The following LRRTM4 variants were observed in gnomAD, a reference collection of about 807,000 sequenced individuals.
The protein encoded by LRRTM4 is leucine rich repeat transmembrane neuronal 4, also known as leucine-rich repeat transmembrane neuronal protein 4.
A neutral mutation model predicts 47.6 loss-of-function variants in LRRTM4; 25 were observed. The observed-to-expected ratio is 0.53, with a 90% CI of 0.38 to 0.73. The LOEUF is 0.73. Among genes scored for constraint, LRRTM4 ranks in the 30% least tolerant of loss-of-function variants. The pLI is 0.00. For missense variants in LRRTM4, 638 were observed against 713.4 expected, an observed-to-expected ratio of 0.89 and a Z score of 1.20; for synonymous variants, 311 against 269.5, an observed-to-expected ratio of 1.15 and a Z score of -1.51.
At position 77,285,340 on chromosome 2, in the gene LRRTM4, TTATATATA is replaced by T. The variant is rs10527679; in HGVS notation, c.1551+232970_1551+232977del. Among the ~76,000 whole-genome samples the T allele has an allele frequency of 5.1e-3, 422 of 82,610 alleles. 15 individuals are homozygous for T. The highest frequency in any genetic ancestry group is 0.016 in the African/African-American group (391 of 23,870). 54.2% of individuals were successfully genotyped at this position (82,610 alleles called of 152,430 possible). ...AAATTAATTCTACTCAGCATTAAAT[TTATATATA>T]TATATATATATATATGGCCAATAGA... On this transcript the variant is annotated intron_variant, in intron 3 of 3. Coordinates refer to ENST00000409884, the MANE Select transcript of LRRTM4 (RefSeq NM_001134745.3).
At chr2:77,480,208 A>G (rs969996344) in intron 3 of LRRTM4, among the ~76,000 whole-genome samples, 5 of 151,366 alleles carry the variant, frequency 3.3e-5, no homozygotes, top group Admixed American at 2.0e-4. Flanking sequence ...TGAAGTTGAC[A>G]TTTGTTAATT....
chr2:77,521,145 GA>G (rs1422151019), intron 2 of LRRTM4, among the ~76,000 whole-genome samples: 20 of 151,806 alleles, frequency 1.3e-4, no homozygotes, highest in African/African-American at 2.7e-4. Context: ...GAAAGGGGGG[GA>G]AAAAAGCCAG....
intron 3 of LRRTM4, among the ~76,000 whole-genome samples, chr2:76,864,870 G>A (rs1672420998): frequency 6.7e-6 from 1 of 149,552 alleles, no homozygotes; most frequent in African/African-American, 2.5e-5. Flanking sequence ...GGGACTACAG[G>A]TGAATGCCAC....
intron 3 of LRRTM4, among the ~76,000 whole-genome samples, chr2:76,921,377 A>T (rs1674427730): frequency 6.6e-6 from 1 of 152,090 alleles, no homozygotes; most frequent in South Asian, 2.1e-4. Context: ...ACTAATTGCT[A>T]ATGGTGTTAA....
intron 3 of LRRTM4, among the ~76,000 whole-genome samples, chr2:76,801,565 G>A (rs181015289): frequency 1.1e-3 from 170 of 152,116 alleles, no homozygotes; most frequent in African/African-American, 4.0e-3. Flanking sequence ...CCTAATGCTA[G>A]ATGATGAGTT....
chr2:77,007,103 A>G (rs1470461777), intron 3 of LRRTM4, among the ~76,000 whole-genome samples: 1 of 152,118 alleles, frequency 6.6e-6, no homozygotes, highest in African/African-American at 2.4e-5. Context: ...CAAGCTGACA[A>G]TAATAGAAAC....
intron 3 of LRRTM4, among the ~76,000 whole-genome samples, chr2:77,259,182 G>A (rs185583556): frequency 2.7e-4 from 41 of 152,000 alleles, no homozygotes; most frequent in South Asian, 6.2e-4. Flanking sequence ...CAATAATATG[G>A]GCTTAAGAAT....
At chr2:77,175,446 G>C (rs995452582) in intron 3 of LRRTM4, among the ~76,000 whole-genome samples, 2 of 152,042 alleles carry the variant, frequency 1.3e-5, no homozygotes, top group Non-Finnish European at 2.9e-5. Context: ...TCCAGGGCTC[G>C]TGGCTCTGGA....
intron 3 of LRRTM4, among the ~76,000 whole-genome samples, chr2:77,236,542 A>T (rs528973023): frequency 6.6e-6 from 1 of 151,594 alleles, no homozygotes; most frequent in South Asian, 2.1e-4. Context: ...TGATCTGACT[A>T]CCACTTCCAG....
At chr2:76,936,585 T>TAAAA (rs869085850) in intron 3 of LRRTM4, among the ~76,000 whole-genome samples, 2 of 96,962 alleles carry the variant, frequency 2.1e-5, no homozygotes, top group African/African-American at 3.2e-5. Flanking sequence ...TAAAGTATAA[T>TAAAA]AAAAAAAAAA....
intron 3 of LRRTM4, among the ~76,000 whole-genome samples, chr2:77,229,687 G>A (rs907787851): frequency 6.6e-6 from 1 of 152,062 alleles, no homozygotes; most frequent in Admixed American, 6.6e-5. Context: ...GCAGTCTATG[G>A]CATCATCATC....
intron 3 of LRRTM4, among the ~76,000 whole-genome samples, chr2:77,423,207 T>G (rs1014277728): frequency 6.6e-6 from 1 of 152,190 alleles, no homozygotes; most frequent in African/African-American, 2.4e-5. Context: ...TTTAAGTTTT[T>G]TCTACTTTTC....
chr2:77,052,360 G>A (rs1679465466), intron 3 of LRRTM4, among the ~76,000 whole-genome samples: 1 of 151,460 alleles, frequency 6.6e-6, no homozygotes, highest in Non-Finnish European at 1.5e-5. Flanking sequence ...AGTAGAGATG[G>A]GTTTCATCAT....
At chr2:77,140,872 T>G (rs1051724056) in intron 3 of LRRTM4, among the ~76,000 whole-genome samples, 125 of 152,206 alleles carry the variant, frequency 8.2e-4, no homozygotes, top group Non-Finnish European at 1.3e-3. Context: ...CATGAAAAAA[T>G]GCTCATCATC....
At chr2:77,114,071 C>T (rs1012085996) in intron 3 of LRRTM4, among the ~76,000 whole-genome samples, 5 of 151,972 alleles carry the variant, frequency 3.3e-5, no homozygotes, top group African/African-American at 7.3e-5. Flanking sequence ...GATCAGATAA[C>T]GAAGGCCCCG....
At chr2:77,163,775 CA>C (rs1407223131) in intron 3 of LRRTM4, among the ~76,000 whole-genome samples, 1 of 152,090 alleles carries the variant, frequency 6.6e-6, no homozygotes, top group East Asian at 1.9e-4. Flanking sequence ...ATTTTGTCAC[CA>C]CCAGGCTTGC....
intron 3 of LRRTM4, among the ~76,000 whole-genome samples, chr2:76,781,930 C>T (rs1199499897): frequency 1.3e-5 from 2 of 152,174 alleles, no homozygotes; most frequent in Non-Finnish European, 2.9e-5. Flanking sequence ...TCAGAAGCTG[C>T]TTCTGCTGTT....
rs1162461607 is a variant in LRRTM4, at chr2:77,453,176, A to ATTTTTTTTTTTTTTTT, written c.1551+65126_1551+65141dup. On this transcript the variant is annotated intron_variant, in intron 3 of 3. Transcript: ENST00000409884. Reference sequence around the variant, plus strand: ...TTTTGATTTTATCTGTTTCTTCTTGATTTTTTTTTTTTTTTTTTTTTTTGA... The same window carrying ATTTTTTTTTTTTTTTT: ...TTTTGATTTTATCTGTTTCTTCTTGATTTTTTTTTTTTTTTTTTTTTTTTTTTTTTTTTTTTTTTGA... Among the ~76,000 whole-genome samples the ATTTTTTTTTTTTTTTT allele has an allele frequency of 1.7e-4, 17 of 99,504 alleles. 1 individual carries two copies. Among genetic ancestry groups the ATTTTTTTTTTTTTTTT allele is most frequent in the Non-Finnish European group, 2.6e-4 (13 of 50,248 alleles). 65.3% of individuals were successfully genotyped at this position (99,504 alleles called of 152,430 possible). A position where few individuals can be genotyped will look rare whatever the true frequency, so the allele number is the denominator to read the frequency against.
At chr2:76,758,608 T>C (rs745343534) in intron 3 of LRRTM4, among the ~76,000 whole-genome samples, 12 of 152,176 alleles carry the variant, frequency 7.9e-5, no homozygotes, top group Admixed American at 2.0e-4. Context: ...TGGAACAACA[T>C]GGCAGAATGA....
Sources: allele counts gnomAD v4.1 joint callset (sites outside exome capture counted in the v4.1 genomes callset), GRCh38; gene constraint gnomAD v4.1.1; transcripts MANE v1.5; gene names NCBI Gene and HGNC (gene_info 2026-07-23, HGNC 2026-07-21).